The following SDHB variants were observed in gnomAD, a reference collection of about 807,000 sequenced individuals.
The protein encoded by SDHB is succinate dehydrogenase [ubiquinone] iron-sulfur subunit, mitochondrial.
A neutral mutation model predicts 39.7 loss-of-function variants in SDHB; 21 were observed. That is an observed-to-expected ratio of 0.53 (90% CI 0.37 to 0.76). SDHB has a LOEUF of 0.76. Ranked by LOEUF, SDHB falls within the 30% of genes least tolerant of loss-of-function variation. SDHB has a pLI of 0.00. For synonymous variants in SDHB, 118 were observed against 117.0 expected (o/e 1.01, Z -0.06); for missense variants, 343 against 350.9 (o/e 0.98, Z 0.18).
intron 1 of SDHB, among the ~76,000 whole-genome samples, chr1:17,053,732 T>C (rs969933293): frequency 1.3e-4 from 17 of 134,170 alleles, no homozygotes; most frequent in Non-Finnish European, 1.9e-4. Flanking sequence ...CTGTAAAAAA[T>C]TGCCCGTGCC....
intron 1 of SDHB, among the ~76,000 whole-genome samples, chr1:17,053,521 G>A (rs1022149477): frequency 1.3e-5 from 2 of 151,992 alleles, no homozygotes; most frequent in African/African-American, 4.8e-5. Context: ...CACCCTTGAG[G>A]AATTACCTCG....
chr1:17,051,716 T>C, intron 1 of SDHB, among the ~76,000 whole-genome samples: 1 of 151,962 alleles, frequency 6.6e-6, no homozygotes, highest in East Asian at 1.9e-4. Context: ...GTCAAGTTTC[T>C]AGCATAGCCC....
At chr1:17,027,562 T>C (rs952403250) in intron 5 of SDHB, 187 bp downstream of exon 5, 2 of 625,794 alleles carry the variant, frequency 3.2e-6, no homozygotes, top group Non-Finnish European at 5.9e-6. Flanking sequence ...TGGTCCACTC[T>C]GGGCCATTCA....
At chr1:17,039,426 A>AT (rs2078067380) in intron 2 of SDHB, among the ~76,000 whole-genome samples, 4 of 150,670 alleles carry the variant, frequency 2.7e-5, no homozygotes, top group African/African-American at 9.8e-5. Flanking sequence ...AAAAAAAAAA[A>AT]AAAAAAAAAA....
intron 1 of SDHB, among the ~76,000 whole-genome samples, chr1:17,051,808 T>C (rs1355982585): frequency 1.3e-5 from 2 of 152,028 alleles, no homozygotes; most frequent in Non-Finnish European, 2.9e-5. Flanking sequence ...ATCCTAGCCC[T>C]GCCAGCCTAA....
intron 7 of SDHB, among the ~76,000 whole-genome samples, chr1:17,020,834 G>A (rs2077956818): frequency 6.6e-6 from 1 of 152,216 alleles, no homozygotes; most frequent in Admixed American, 6.5e-5. Context: ...AGGCAATAGG[G>A]AGCTGAAGCC....
intron 7 of SDHB, among the ~76,000 whole-genome samples, chr1:17,020,202 G>T (rs1232718808): frequency 6.6e-6 from 1 of 152,076 alleles, no homozygotes; most frequent in African/African-American, 2.4e-5. Context: ...TCCCCACAGG[G>T]TCAGTAAGGG....
intron 4 of SDHB, among the ~76,000 whole-genome samples, chr1:17,028,206 C>T (rs1420376790): frequency 6.6e-6 from 1 of 152,240 alleles, no homozygotes; most frequent in Non-Finnish European, 1.5e-5. Context: ...GCTTTCCCAA[C>T]TGGCATTTTC....
chr1:17,052,254 C>G (rs2078152453), intron 1 of SDHB: 1 of 152,212 alleles, frequency 6.6e-6, no homozygotes, highest in Non-Finnish European at 1.5e-5. Flanking sequence ...CAAATACTTA[C>G]AGGCAGAATT....
At chr1:17,031,990 G>A (rs2078026062) in intron 3 of SDHB, among the ~76,000 whole-genome samples, 1 of 152,104 alleles carries the variant, frequency 6.6e-6, no homozygotes. Context: ...CTCATGTCCA[G>A]TGCACAGAAC....
chr1:17,039,179 CTCT>C (rs1329565324), intron 2 of SDHB, among the ~76,000 whole-genome samples: 6 of 152,024 alleles, frequency 3.9e-5, no homozygotes, highest in South Asian at 2.1e-4. Context: ...TGCTGCTGTT[CTCT>C]TCTTCTTTTC....
chr1:17,048,803 C>T (rs1025421740), intron 1 of SDHB, among the ~76,000 whole-genome samples: 1 of 151,660 alleles, frequency 6.6e-6, no homozygotes, highest in African/African-American at 2.4e-5. Flanking sequence ...CTCCACCTCC[C>T]GACTTCAAGT....
chr1:17,044,971 C>T (rs907992327), intron 1 of SDHB, 83 bp from the exon 2 acceptor site: 21 of 1,229,234 alleles, frequency 1.7e-5, no homozygotes, highest in Admixed American at 3.8e-5. Context: ...ACAGATGTAA[C>T]GCTGGATATA....
intron 2 of SDHB, among the ~76,000 whole-genome samples, chr1:17,043,695 T>C (rs370047892): frequency 6.6e-6 from 1 of 152,140 alleles, no homozygotes; most frequent in East Asian, 1.9e-4. Context: ...AAGAGTGGTT[T>C]TGAGAGATGT....
rs550555402 is a variant in SDHB, at chr1:17,053,969, G to T, written c.51C>A (p.Thr17=). The change falls in exon 1 of 8, where the codon ACC becomes ACA. Residue 17 remains threonine (T), a synonymous_variant. Coordinates refer to ENST00000375499, the MANE Select transcript of SDHB (RefSeq NM_003000.3). ...TCACCTGCAGGCAGGCTCCGCCAAG[G>T]GTTGTGGCCGGCAACCGGCGCCTCA... ...LSLRRRLPAT[T]LGGACLQASR... The T allele has an allele frequency of 6.2e-7, 1 of 1,612,990 alleles. No individual in the cohort carries two copies. The highest frequency in any genetic ancestry group is 8.5e-7 in the Non-Finnish European group (1 of 1,179,616).
chr1:17,028,770 C>T (rs193128547), intron 3 of SDHB, 34 bp from the exon 4 acceptor site: 1 of 1,611,362 alleles, frequency 6.2e-7, no homozygotes, highest in East Asian at 2.2e-5. Flanking sequence ...CATCCTCACC[C>T]ATATCCGGAA....
intron 2 of SDHB, among the ~76,000 whole-genome samples, 198 bp downstream of exon 2, chr1:17,044,563 T>A (rs2078098317): frequency 6.6e-6 from 1 of 152,216 alleles, no homozygotes; most frequent in African/African-American, 2.4e-5. Flanking sequence ...CAACCTCAGA[T>A]GATCTGCCCG....
intron 7 of SDHB, among the ~76,000 whole-genome samples, chr1:17,019,688 G>A (rs988869931): frequency 6.6e-6 from 1 of 152,022 alleles, no homozygotes; most frequent in Non-Finnish European, 1.5e-5. Flanking sequence ...AAGTGTTGTG[G>A]AAAGAAAGAA....
Position 17,018,762 on chromosome 1 carries a change from A to G in SDHB, c.*119T>C, listed in dbSNP as rs930094973. The stretch of plus-strand genomic sequence containing the variant: ...TAAAGTAGAATAACATTTATTTCTT[A>G]AAATTTTTATTATACATGCTGTATT... On this transcript the variant is annotated 3_prime_UTR_variant, in exon 8 of 8. Transcript: ENST00000375499. 2 of 733,382 alleles carry G rather than the reference A, an allele frequency of 2.7e-6. No homozygotes were observed. The highest frequency in any genetic ancestry group is 4.8e-6 in the Non-Finnish European group (2 of 420,956). 45.4% of individuals were successfully genotyped at this position (733,382 alleles called of 1,614,324 possible).
Sources: allele counts gnomAD v4.1 joint callset (sites outside exome capture counted in the v4.1 genomes callset), GRCh38; gene constraint gnomAD v4.1.1; transcripts MANE v1.5; gene names NCBI Gene and HGNC (gene_info 2026-07-23, HGNC 2026-07-21).